Variants in EZH2 observed in about 807,000 individuals in gnomAD.
EZH2 encodes histone-lysine N-methyltransferase EZH2.
In EZH2, 18 loss-of-function variants were observed where a neutral mutation model predicts 98.4. That is an observed-to-expected ratio of 0.18 (90% confidence interval 0.13 to 0.27). The LOEUF is 0.27. Ranked by LOEUF, EZH2 falls within the 10% of genes least tolerant of loss-of-function variation. The pLI is 1.00. For missense variants in EZH2, 470 were observed against 935.1 expected (o/e 0.50, Z 6.49); for synonymous variants, 338 against 312.3 (o/e 1.08, Z -0.87).
intron 10 of EZH2, 46 bp downstream of exon 10, chr7:148,817,831 C>A (rs200336498): frequency 6.2e-7 from 1 of 1,613,322 alleles, no homozygotes. Flanking sequence ...CCTCACAACA[C>A]GAACTTTCAC....
chr7:148,841,448 C>T (rs930778952), intron 3 of EZH2, among the ~76,000 whole-genome samples: 2 of 152,138 alleles, frequency 1.3e-5, no homozygotes, highest in Non-Finnish European at 2.9e-5. Context: ...AACTCAGAGA[C>T]CACTTCCTTG....
chr7:148,829,713 A>C lies in EZH2; in HGVS notation c.484+15T>G, dbSNP rs528868013. Reference sequence around the variant, plus strand: ...CTTTAGCCCCTTTTTCCAAGAGAAGAAGCATATGGCTCACCTCTATCCCCG... The same window carrying C: ...CTTTAGCCCCTTTTTCCAAGAGAAGCAGCATATGGCTCACCTCTATCCCCG... On this transcript the variant is annotated intron_variant, in intron 5 of 19. Coordinates refer to ENST00000320356, the MANE Select transcript of EZH2 (RefSeq NM_004456.5). The C allele has an allele frequency of 2.2e-5, 36 of 1,603,316 alleles. No homozygotes were observed. The Middle Eastern group carries it at 6.6e-4, about 29-fold the overall frequency.
At chr7:148,859,332 C>T (rs1046791999) in intron 1 of EZH2, among the ~76,000 whole-genome samples, 2 of 151,956 alleles carry the variant, frequency 1.3e-5, no homozygotes, top group Admixed American at 1.3e-4. Flanking sequence ...ACGGTGAAAC[C>T]CCGTCTCTAC....
chr7:148,816,590 G>T lies in EZH2; in HGVS notation c.1505+94C>A. 3.5e-6 allele frequency: 3 copies of T among 851,896 alleles called. No homozygotes were observed. In the South Asian group the frequency reaches 4.6e-5, roughly 13 times the overall value. 52.8% of individuals were successfully genotyped at this position (851,896 alleles called of 1,614,324 possible). A position where few individuals can be genotyped will look rare whatever the true frequency, so the allele number is the denominator to read the frequency against. On this transcript the variant is annotated intron_variant, in intron 12 of 19. Coordinates refer to ENST00000320356, the MANE Select transcript of EZH2 (RefSeq NM_004456.5). Reference sequence around the variant, plus strand: ...GGCAGTTTAAGGTTTTTTAAAAATAGACTAAGTAGAAACCAACAACAGCCC... The same window carrying T: ...GGCAGTTTAAGGTTTTTTAAAAATATACTAAGTAGAAACCAACAACAGCCC...
intron 9 of EZH2, 37 bp downstream of exon 9, chr7:148,819,559 C>G: frequency 6.4e-7 from 1 of 1,562,636 alleles, no homozygotes; most frequent in South Asian, 1.1e-5. Flanking sequence ...AAAGTCCTCT[C>G]AAGTACCCTC....
chr7:148,842,493 TAAC>T (rs1812718920), intron 3 of EZH2, among the ~76,000 whole-genome samples: 1 of 152,226 alleles, frequency 6.6e-6, no homozygotes, highest in Admixed American at 6.5e-5. Flanking sequence ...AGTCACCTAG[TAAC>T]AATTTCTTGA....
intron 1 of EZH2, among the ~76,000 whole-genome samples, chr7:148,866,132 C>T (rs918406348): frequency 2.0e-5 from 3 of 152,112 alleles, no homozygotes; most frequent in South Asian, 2.1e-4. Flanking sequence ...CATGATTTTC[C>T]TATACTTAAA....
chr7:148,812,317 C>G (rs1343238271), intron 15 of EZH2, among the ~76,000 whole-genome samples: 2 of 152,180 alleles, frequency 1.3e-5, no homozygotes, highest in Non-Finnish European at 2.9e-5. Context: ...GTCCAGTAGT[C>G]TATTTTCAGC....
chr7:148,865,067 C>T (rs74515762), intron 1 of EZH2, among the ~76,000 whole-genome samples: 3,589 of 149,556 alleles, frequency 0.024, 132 homozygotes, highest in African/African-American at 0.085. Context: ...GCAGAGGATG[C>T]GTTAAGCTGA....
intron 1 of EZH2, among the ~76,000 whole-genome samples, chr7:148,883,861 G>A (rs1319161270): frequency 6.6e-6 from 1 of 151,796 alleles, no homozygotes; most frequent in Non-Finnish European, 1.5e-5. Flanking sequence ...CGGCGCCCCG[G>A]CCAGGACAAG....
At chr7:148,835,150 T>C (rs535412196) in intron 3 of EZH2, among the ~76,000 whole-genome samples, 1 of 152,316 alleles carries the variant, frequency 6.6e-6, no homozygotes, top group East Asian at 1.9e-4. Context: ...CTGGGCACAG[T>C]GGCTCAAGCG....
At chr7:148,854,107 T>C (rs1314950634) in intron 1 of EZH2, among the ~76,000 whole-genome samples, 6 of 152,092 alleles carry the variant, frequency 3.9e-5, no homozygotes, top group African/African-American at 7.2e-5. Flanking sequence ...ACTGAATAAT[T>C]TGAAAAAAGT....
rs1330757055 is a variant in EZH2, at chr7:148,818,002, G to C, written c.1115C>G (p.Thr372Ser). 2 of 1,614,024 alleles carry C rather than the reference G, an allele frequency of 1.2e-6. No homozygotes were observed. The highest frequency in any genetic ancestry group is 2.2e-5 in the South Asian group (2 of 91,082). The change falls in exon 10 of 20, where the codon ACC becomes AGC. Residue 372 changes from threonine (T) to serine (S), a missense_variant. Coordinates refer to ENST00000320356, the MANE Select transcript of EZH2 (RefSeq NM_004456.5). ...RLPNNSSRPS[T>S]PTINVLESKD... ...TGATTCCAGCACATTAATGGTGGGG[G>C]TGCTGGGCCTGCTACTGTTATTGGG... is the stretch of plus-strand genomic sequence containing the variant.
At chr7:148,878,946 C>G (rs371510425) in intron 1 of EZH2, among the ~76,000 whole-genome samples, 2 of 150,512 alleles carry the variant, frequency 1.3e-5, no homozygotes, top group East Asian at 2.0e-4. Context: ...CCAGGCCAGG[C>G]GTGCGCAGTA....
chr7:148,823,893 G>A (rs939029483), intron 8 of EZH2, among the ~76,000 whole-genome samples: 1 of 152,024 alleles, frequency 6.6e-6, no homozygotes. Flanking sequence ...TAGCTAACAA[G>A]AGCCAGGTAC....
intron 16 of EZH2, among the ~76,000 whole-genome samples, chr7:148,811,209 A>G (rs928682258): frequency 2.6e-5 from 4 of 152,144 alleles, no homozygotes; most frequent in Admixed American, 6.5e-5. Context: ...TGGCACAAAC[A>G]TGGCTCACTG....
intron 1 of EZH2, among the ~76,000 whole-genome samples, chr7:148,880,832 AAAGAAAAAAAT>A (rs1178067389): frequency 6.6e-6 from 1 of 152,244 alleles, no homozygotes. Flanking sequence ...CTAGGTATAC[AAAGAAAAAAAT>A]AAGACAGAGC....
chr7:148,811,603 A>AT (rs773166131), intron 16 of EZH2, 22 bp downstream of exon 16: 5 of 1,589,444 alleles, frequency 3.1e-6, no homozygotes, highest in Non-Finnish European at 4.3e-6. Context: ...TGCCACCTGA[A>AT]TACAGGTTAT....
Position 148,828,800 on chromosome 7 carries a change from C to CA in EZH2, c.564dup (p.Asp189Ter). 6.2e-7 allele frequency: 1 copy of CA among 1,613,826 alleles called. No homozygotes were observed. The highest frequency in any genetic ancestry group is 1.3e-5 in the African/African-American group (1 of 74,960). ...TCTCTTTCTTCAGGATCGTCTCCAT[C>CA]ATCATCATCGTCATCATCATTATAT... On this transcript the variant is annotated frameshift_variant, in exon 6 of 20. Coordinates refer to ENST00000320356, the MANE Select transcript of EZH2 (RefSeq NM_004456.5). LOFTEE classifies it high-confidence loss of function.
Sources: allele counts gnomAD v4.1 joint callset (sites outside exome capture counted in the v4.1 genomes callset), GRCh38; gene constraint gnomAD v4.1.1; transcripts MANE v1.5; gene names NCBI Gene and HGNC (gene_info 2026-07-23, HGNC 2026-07-21).